SEMA3D: variants seen among roughly 807,000 people sequenced by gnomAD.
SEMA3D encodes the protein semaphorin 3D.
In SEMA3D, 84 loss-of-function variants were observed where a neutral mutation model predicts 100.1. That is an observed-to-expected ratio of 0.84 (90% CI 0.70 to 1.01). SEMA3D has a LOEUF of 1.01. Among genes scored for constraint, SEMA3D ranks in the 50% least tolerant of loss-of-function variants. The probability of loss-of-function intolerance (pLI) is 0.00; values close to 1 mark genes in which losing one functional copy is unlikely to be tolerated. For synonymous variants in SEMA3D, 312 were observed against 320.7 expected, an observed-to-expected ratio of 0.97 and a Z score of 0.29; for missense variants, 875 against 934.1, an observed-to-expected ratio of 0.94 and a Z score of 0.82.
At chr7:85,214,004 A>G in the SEMA3D span, among the ~76,000 whole-genome samples, 1 of 152,170 alleles carries the variant, frequency 6.6e-6, no homozygotes. Flanking sequence ...CAGTGTGGCT[A>G]CCATCTGTGG....
chr7:85,052,351 T>G (rs1301941645), intron 9 of SEMA3D, among the ~76,000 whole-genome samples: 2 of 151,858 alleles, frequency 1.3e-5, no homozygotes, highest in African/African-American at 4.8e-5. Flanking sequence ...AAACAAAACT[T>G]CTTATCAACC....
intron 3 of SEMA3D, among the ~76,000 whole-genome samples, chr7:85,110,506 C>T (rs1448191397): frequency 6.6e-6 from 1 of 151,780 alleles, no homozygotes; most frequent in Non-Finnish European, 1.5e-5. Flanking sequence ...TTAAACATTC[C>T]TCCTTGAAAA....
intron 5 of SEMA3D, among the ~76,000 whole-genome samples, chr7:85,074,672 A>G (rs1265434806): frequency 6.6e-6 from 1 of 151,240 alleles, no homozygotes; most frequent in Non-Finnish European, 1.5e-5. Flanking sequence ...CTGCTGGAGT[A>G]GTGGTGCGAT....
chr7:84,999,945 A>G, intron 18 of SEMA3D, 80 bp from the exon 19 acceptor site: 1 of 1,085,034 alleles, frequency 9.2e-7, no homozygotes, highest in Non-Finnish European at 1.3e-6. Context: ...ACATAGTTTT[A>G]CTTAGATGAA....
chr7:85,120,666 CAAA>C (rs765641197), intron 3 of SEMA3D, among the ~76,000 whole-genome samples: 1 of 82,812 alleles, frequency 1.2e-5, no homozygotes, highest in Non-Finnish European at 2.6e-5. Flanking sequence ...GACTTCATCT[CAAA>C]AAAAAAAAAA....
intron 1 of SEMA3D, among the ~76,000 whole-genome samples, chr7:85,165,101 T>C (rs1790864664): frequency 6.6e-6 from 1 of 151,566 alleles, no homozygotes. Flanking sequence ...CAGTGTTTGG[T>C]TTTTTGTCCT....
chr7:85,086,661 T>C (rs1788226053), intron 4 of SEMA3D, among the ~76,000 whole-genome samples: 1 of 151,678 alleles, frequency 6.6e-6, no homozygotes, highest in Non-Finnish European at 1.5e-5. Context: ...TGTGTGTGTG[T>C]GTATAGATGC....
chr7:85,163,052 A>G, intron 1 of SEMA3D: 1 of 834,068 alleles, frequency 1.2e-6, no homozygotes, highest in Non-Finnish European at 1.4e-6. Flanking sequence ...TAAAAGAAGT[A>G]TATACATATC....
At chr7:85,182,089 C>CT (rs201272212) in intron 1 of SEMA3D, among the ~76,000 whole-genome samples, 350 of 151,718 alleles carry the variant, frequency 2.3e-3, no homozygotes, top group African/African-American at 7.8e-3. Context: ...TTTCTTTTAT[C>CT]TTTTTTTTAG....
chr7:85,043,639 G>C (rs1295148578), intron 9 of SEMA3D, among the ~76,000 whole-genome samples: 2 of 152,076 alleles, frequency 1.3e-5, no homozygotes, highest in Non-Finnish European at 2.9e-5. Context: ...ATTCCCACAT[G>C]TTGTGGGAGG....
chr7:85,000,082 T>A (rs1294685285), intron 18 of SEMA3D, among the ~76,000 whole-genome samples: 2 of 152,172 alleles, frequency 1.3e-5, no homozygotes, highest in African/African-American at 4.8e-5. Flanking sequence ...ATTTTTCACA[T>A]TTGAATCTTA....
At chr7:85,098,908 C>G (rs145284960) in intron 3 of SEMA3D, among the ~76,000 whole-genome samples, 1 of 151,738 alleles carries the variant, frequency 6.6e-6, no homozygotes, top group Non-Finnish European at 1.5e-5. Flanking sequence ...TATAGGATGT[C>G]ACATAGTTTA....
intron 1 of SEMA3D, among the ~76,000 whole-genome samples, chr7:85,176,446 G>C (rs1471603017): frequency 6.6e-6 from 1 of 151,902 alleles, no homozygotes; most frequent in Non-Finnish European, 1.5e-5. Context: ...TGTATGCTAC[G>C]ACTCATACAA....
chr7:85,033,898 C>A (rs1459302892), intron 12 of SEMA3D, among the ~76,000 whole-genome samples: 2 of 149,520 alleles, frequency 1.3e-5, no homozygotes, highest in Non-Finnish European at 3.0e-5. Flanking sequence ...CACACAATCT[C>A]CCAGGGAAGG....
intron 1 of SEMA3D, among the ~76,000 whole-genome samples, chr7:85,180,504 T>C (rs1791371672): frequency 6.6e-6 from 1 of 152,220 alleles, no homozygotes; most frequent in African/African-American, 2.4e-5. Context: ...TAGTAAAGTT[T>C]TCCACTATAT....
intron 1 of SEMA3D, among the ~76,000 whole-genome samples, chr7:85,181,415 C>T (rs932133136): frequency 9.9e-5 from 15 of 151,872 alleles, no homozygotes; most frequent in African/African-American, 3.4e-4. Context: ...AAAGAGCTCC[C>T]AGAGGCCAAA....
chr7:85,060,173 G>A (rs1791433975), intron 8 of SEMA3D, among the ~76,000 whole-genome samples: 1 of 152,084 alleles, frequency 6.6e-6, no homozygotes, highest in Non-Finnish European at 1.5e-5. Context: ...AAAATGTTTT[G>A]CAAGGGAATA....
intron 7 of SEMA3D, among the ~76,000 whole-genome samples, chr7:85,067,490 C>A (rs914936604): frequency 6.6e-6 from 1 of 152,158 alleles, no homozygotes; most frequent in Admixed American, 6.6e-5. Context: ...TCACTCTTAT[C>A]GTCTATTCAA....
chr7:85,067,785 T>C (rs1158508335), intron 7 of SEMA3D, among the ~76,000 whole-genome samples: 1 of 152,192 alleles, frequency 6.6e-6, no homozygotes, highest in Non-Finnish European at 1.5e-5. Flanking sequence ...CATTCTATTA[T>C]CTGTATTCTA....
Sources: allele counts gnomAD v4.1 joint callset (sites outside exome capture counted in the v4.1 genomes callset), GRCh38; gene constraint gnomAD v4.1.1; transcripts MANE v1.5; gene names NCBI Gene and HGNC (gene_info 2026-07-23, HGNC 2026-07-21).